The following ZDHHC2 variants were observed in gnomAD, a reference collection of about 807,000 sequenced individuals.
ZDHHC2 encodes zDHHC palmitoyltransferase 2.
A neutral mutation model predicts 55.6 loss-of-function variants in ZDHHC2; 51 were observed. The observed-to-expected ratio is 0.92, with a 90% CI of 0.73 to 1.16. The LOEUF (loss-of-function observed/expected upper bound fraction) is 1.16, where lower values mean the gene tolerates loss of function less well. Among genes scored for constraint, ZDHHC2 ranks in the 50% most tolerant of loss-of-function variants. ZDHHC2 has a pLI of 0.00. For synonymous variants in ZDHHC2, 199 were observed against 152.9 expected, an observed-to-expected ratio of 1.30 and a Z score of -2.22; for missense variants, 491 against 442.4, an observed-to-expected ratio of 1.11 and a Z score of -0.99.
intron 1 of ZDHHC2, among the ~76,000 whole-genome samples, chr8:17,157,087 TCGC>T (rs1389698485): frequency 6.6e-6 from 1 of 151,726 alleles, no homozygotes; most frequent in Non-Finnish European, 1.5e-5. Flanking sequence ...CGCCCCGCAC[TCGC>T]CGCCGAGCCT....
At position 17,214,212 on chromosome 8, in the gene ZDHHC2, C is replaced by G. The variant is rs56033688; in HGVS notation, c.951-1025C>G. Among the ~76,000 whole-genome samples the G allele has an allele frequency of 2.7e-3, 411 of 152,166 alleles. 4 individuals are homozygous for G. Among genetic ancestry groups the G allele is most frequent in the African/African-American group, 9.6e-3 (400 of 41,518 alleles). On this transcript the variant is annotated intron_variant, in intron 10 of 12. Transcript: ENST00000262096. ...TTTTATGTATACTTTTTCATGCCATCCAATATGTTGATGTATGGCATTTCC... is the reference window on the plus strand; with the variant it reads ...TTTTATGTATACTTTTTCATGCCATGCAATATGTTGATGTATGGCATTTCC...
intron 1 of ZDHHC2, among the ~76,000 whole-genome samples, chr8:17,167,631 C>T (rs926844090): frequency 6.6e-6 from 1 of 152,150 alleles, no homozygotes; most frequent in Non-Finnish European, 1.5e-5. Context: ...TCACATATAA[C>T]AATAAAAAAC....
At chr8:17,184,559 G>A (rs905491773) in intron 1 of ZDHHC2, among the ~76,000 whole-genome samples, 1 of 152,236 alleles carries the variant, frequency 6.6e-6, no homozygotes, top group Non-Finnish European at 1.5e-5. Context: ...CAGGACAGGA[G>A]CCAGGGCTGA....
intron 1 of ZDHHC2, among the ~76,000 whole-genome samples, chr8:17,174,099 T>C (rs541486690): frequency 3.7e-4 from 54 of 145,406 alleles, no homozygotes; most frequent in Middle Eastern, 3.5e-3. Context: ...TCTTCTTCTT[T>C]TTTTTTTTTT....
At chr8:17,205,524 A>C in intron 6 of ZDHHC2, 131 bp from the exon 7 acceptor site, 1 of 1,082,814 alleles carries the variant, frequency 9.2e-7, no homozygotes. Context: ...TGCATAAAGA[A>C]ATCTTATGAG....
intron 7 of ZDHHC2, among the ~76,000 whole-genome samples, chr8:17,205,991 T>G (rs1265314763): frequency 6.6e-6 from 1 of 152,240 alleles, no homozygotes; most frequent in Non-Finnish European, 1.5e-5. Context: ...TGCAGACATG[T>G]GCAGAGTGGC....
chr8:17,189,831 T>G (rs1234265706), intron 3 of ZDHHC2, among the ~76,000 whole-genome samples: 1 of 152,228 alleles, frequency 6.6e-6, no homozygotes, highest in African/African-American at 2.4e-5. Flanking sequence ...AAGACGTACC[T>G]TAGTCATACA....
intron 7 of ZDHHC2, among the ~76,000 whole-genome samples, chr8:17,206,912 T>G (rs1000690492): frequency 6.6e-6 from 1 of 152,206 alleles, no homozygotes; most frequent in African/African-American, 2.4e-5. Flanking sequence ...TGTGTGCCAA[T>G]TCTATTGCTA....
intron 9 of ZDHHC2, 108 bp downstream of exon 9, chr8:17,210,166 A>G (rs930128369): frequency 3.8e-6 from 5 of 1,304,700 alleles, no homozygotes; most frequent in Admixed American, 2.9e-5. Context: ...CTGTGTAGGA[A>G]CTCTTATTTT....
intron 1 of ZDHHC2, among the ~76,000 whole-genome samples, chr8:17,181,061 T>C (rs1805406020): frequency 6.6e-6 from 1 of 152,248 alleles, no homozygotes; most frequent in African/African-American, 2.4e-5. Context: ...GAGATTACTT[T>C]CGCTTTTTTC....
chr8:17,215,251 A>C lies in ZDHHC2; in HGVS notation c.965A>C (p.Gln322Pro). The C allele has an allele frequency of 2.5e-6, 4 of 1,597,086 alleles. No individual in the cohort carries two copies. The highest frequency in any genetic ancestry group is 3.4e-6 in the Non-Finnish European group (4 of 1,171,684). Residue 322 changes from glutamine to proline, a missense_variant, in exon 11 of 13, where the codon CAG becomes CCG. Coordinates refer to ENST00000262096, the MANE Select transcript of ZDHHC2 (RefSeq NM_016353.5). ...NSTAKNLENH[Q>P]FPAKPLRESQ... Reference sequence around the variant, plus strand: ...TTATTATTCAGTCTCGAAAACCATCAGTTTCCTGCAAAGCCATTGAGAGAG... The same window carrying C: ...TTATTATTCAGTCTCGAAAACCATCCGTTTCCTGCAAAGCCATTGAGAGAG...
chr8:17,207,386 G>C (rs1422497853), intron 7 of ZDHHC2, among the ~76,000 whole-genome samples: 1 of 152,110 alleles, frequency 6.6e-6, no homozygotes, highest in Non-Finnish European at 1.5e-5. Flanking sequence ...ATTTTAGACA[G>C]GTGTTATGCA....
rs574776751 is a variant in ZDHHC2 at position 17,172,916 on chromosome 8, A to G, written c.131-11873A>G. Among the ~76,000 whole-genome samples, 3 of 152,332 alleles carry G rather than the reference A, an allele frequency of 2.0e-5. No individual in the cohort carries two copies. In the South Asian group the frequency reaches 6.2e-4, roughly 32 times the overall value. The stretch of plus-strand genomic sequence containing the variant: ...ATTCTTGAAGTGGGATGGTTAGGAA[A>G]GTCCATATTCAGGTAGTGCCCTGAA... On this transcript the variant is annotated intron_variant, in intron 1 of 12. Transcript: ENST00000262096.
At chr8:17,217,111 G>A (rs1807688543) in intron 11 of ZDHHC2, 61 bp from the exon 12 acceptor site, 2 of 1,536,568 alleles carry the variant, frequency 1.3e-6, no homozygotes, top group Admixed American at 1.8e-5. Flanking sequence ...AGATGAATAA[G>A]AAGTTTCTGC....
At chr8:17,161,694 C>A (rs1326013735) in intron 1 of ZDHHC2, among the ~76,000 whole-genome samples, 1 of 151,852 alleles carries the variant, frequency 6.6e-6, no homozygotes, top group Admixed American at 6.6e-5. Flanking sequence ...CCTGTCTCTA[C>A]CAAAAAATAC....
chr8:17,165,688 A>G (rs886354820), intron 1 of ZDHHC2, among the ~76,000 whole-genome samples: 1 of 152,234 alleles, frequency 6.6e-6, no homozygotes, highest in South Asian at 2.1e-4. Context: ...AAAAAACATA[A>G]GTACATTAGA....
rs145124465 is a variant in ZDHHC2, at chr8:17,174,173, C to T, written c.131-10616C>T. 2.6e-3 allele frequency among the ~76,000 whole-genome samples: 396 copies of T among 151,714 alleles called. 7 individuals carry two copies. Among genetic ancestry groups the T allele is most frequent in the Admixed American group, 8.1e-3 (123 of 15,240 alleles). On this transcript the variant is annotated intron_variant, in intron 1 of 12. Coordinates refer to ENST00000262096, the MANE Select transcript of ZDHHC2 (RefSeq NM_016353.5). ...GGCGTAATCACAGCTCGTGCTGCCT[C>T]GACCACCCAGATTTAATCAATCTTT...
In ZDHHC2 at chr8:17,207,975, A is replaced by T; in HGVS notation, c.613A>T (p.Thr205Ser). The T allele has an allele frequency of 6.4e-7, 1 of 1,571,182 alleles. No individual in the cohort carries two copies. Reference protein sequence around the residue: ...IKFWTNGLPDTQAKFHIMFLF... With the variant: ...IKFWTNGLPDSQAKFHIMFLF... Reference sequence around the variant, plus strand: ...TTCTTTATAGAATGGCCTACCTGATACTCAAGCCAAGTTCCATATTATGTT... The same window carrying T: ...TTCTTTATAGAATGGCCTACCTGATTCTCAAGCCAAGTTCCATATTATGTT... The change falls in exon 8 of 13, where the codon ACT becomes TCT. Residue 205 changes from threonine to serine, a missense_variant. Transcript: ENST00000262096.
Position 17,210,493 on chromosome 8 carries a change from T to A in ZDHHC2, c.950+13T>A. 6.3e-7 allele frequency: 1 copy of A among 1,587,902 alleles called. No individual in the cohort carries two copies. The highest frequency in any genetic ancestry group is 8.6e-7 in the Non-Finnish European group (1 of 1,166,310). On this transcript the variant is annotated intron_variant, in intron 10 of 12. Coordinates refer to ENST00000262096, the MANE Select transcript of ZDHHC2 (RefSeq NM_016353.5). ...CCACAGCTAAAAAGTAATCTCATATTTTTTTTCATTTTACTTTCAAATAAG... is the reference window on the plus strand; with the variant it reads ...CCACAGCTAAAAAGTAATCTCATATATTTTTTCATTTTACTTTCAAATAAG...
Sources: gnomAD v4.1 joint callset for allele counts (sites outside exome capture counted in the v4.1 genomes callset) on GRCh38, gnomAD v4.1.1 for gene constraint, MANE v1.5 for transcripts, NCBI Gene and HGNC (gene_info 2026-07-23, HGNC 2026-07-21) for gene names.